GRIK5: variants seen among roughly 807,000 people sequenced by gnomAD.
GRIK5 encodes the protein glutamate ionotropic receptor kainate type subunit 5.
Under a neutral mutation model 97.4 loss-of-function variants are expected in GRIK5, and 43 were observed. That is an observed-to-expected ratio of 0.44 (90% CI 0.35 to 0.57). The LOEUF is 0.57. Among genes scored for constraint, GRIK5 ranks in the 20% least tolerant of loss-of-function variants. GRIK5 has a pLI of 0.01. For synonymous variants in GRIK5, 580 were observed against 583.5 expected (o/e 0.99, Z 0.09); for missense variants, 1,015 against 1,382.0 (o/e 0.73, Z 4.21).
At chr19:42,037,639 T>A (rs2075924458) in intron 12 of GRIK5, among the ~76,000 whole-genome samples, 2 of 152,148 alleles carry the variant, frequency 1.3e-5, no homozygotes, top group African/African-American at 4.8e-5. Context: ...TATAGTGGAC[T>A]CCATGGTGGC....
At chr19:42,061,733 AC>A (rs1336929419) in intron 5 of GRIK5, among the ~76,000 whole-genome samples, 1 of 151,724 alleles carries the variant, frequency 6.6e-6, no homozygotes, top group African/African-American at 2.4e-5. Flanking sequence ...TCCAACTGCC[AC>A]CACCTGGGCC....
Position 42,030,334 on chromosome 19 carries a change from G to A in GRIK5, c.1474-7980C>T, listed in dbSNP as rs191154845. Among the ~76,000 whole-genome samples the A allele has an allele frequency of 1.1e-4, 16 of 152,090 alleles. No homozygotes were observed. In the East Asian group the frequency reaches 1.5e-3, roughly 15 times the overall value. On this transcript the variant is annotated intron_variant, in intron 12 of 19. Transcript: ENST00000593562. The stretch of plus-strand genomic sequence containing the variant: ...GTAGCTGGGATTAAAGGTGCGTGCC[G>A]CTGAGTCTGGCTAATTTTTGTATTT...
At chr19:42,048,468 A>G (rs2076070978) in intron 11 of GRIK5, among the ~76,000 whole-genome samples, 1 of 152,008 alleles carries the variant, frequency 6.6e-6, no homozygotes, top group Non-Finnish European at 1.5e-5. Flanking sequence ...AAAATACAAA[A>G]AATTAGCCGG....
chr19:42,031,066 C>T (rs1042388230), intron 12 of GRIK5, among the ~76,000 whole-genome samples: 3 of 152,216 alleles, frequency 2.0e-5, no homozygotes, highest in Non-Finnish European at 4.4e-5. Flanking sequence ...AAGCATCTGC[C>T]AGGTTAGTAG....
At position 42,042,760 on chromosome 19, in the gene GRIK5, G is replaced by A. The variant is rs1187936690; in HGVS notation, c.1270-5C>T. 1.9e-6 allele frequency: 3 copies of A among 1,609,834 alleles called. No individual in the cohort carries two copies. The highest frequency in any genetic ancestry group is 2.2e-5 in the South Asian group (2 of 90,828). ...GCGCATGACGTATGGGTTCTCCTGG[G>A]TGGGCAGAAGAAAGCAGGGGTCAGA... On this transcript the variant is annotated splice_polypyrimidine_tract_variant and splice_region_variant and intron_variant, in intron 11 of 19. Transcript: ENST00000593562. This position sits in a 1 kb window ranked among gnomAD's most constrained non-coding sequence, Gnocchi z 6.9.
At chr19:42,020,209 C>T (rs1183957482) in intron 15 of GRIK5, among the ~76,000 whole-genome samples, 1 of 152,168 alleles carries the variant, frequency 6.6e-6, no homozygotes, top group Non-Finnish European at 1.5e-5. Context: ...CCTGCCATAC[C>T]ACAGTTAGTT....
chr19:42,048,969 A>G (rs1203018456), intron 11 of GRIK5, among the ~76,000 whole-genome samples: 5 of 152,038 alleles, frequency 3.3e-5, no homozygotes, highest in African/African-American at 1.2e-4. Flanking sequence ...TGGAGCCTGG[A>G]GGTCGAAGCT....
chr19:42,021,573 G>A lies in GRIK5; in HGVS notation c.1698-99C>T. On this transcript the variant is annotated intron_variant, in intron 14 of 19. Transcript: ENST00000593562. The surrounding 1 kb of genome is among the most constrained non-coding windows in gnomAD (Gnocchi z 4.2). ...AGTCACAGTGATCAGAAGAAAGGGG[G>A]AGAGATGGAAAAAGGAGCAAGATGG... 2 of 1,020,010 alleles carry A rather than the reference G, an allele frequency of 2.0e-6. No homozygotes were observed. Among genetic ancestry groups the A allele is most frequent in the Non-Finnish European group, 2.8e-6 (2 of 716,654 alleles). The allele number at this position is 1,020,010 out of a possible 1,614,324, so 63.2% of individuals were successfully genotyped here. A position where few individuals can be genotyped will look rare whatever the true frequency, so the allele number is the denominator to read the frequency against.
intron 12 of GRIK5, among the ~76,000 whole-genome samples, chr19:42,040,329 T>C (rs2075962753): frequency 6.6e-6 from 1 of 152,138 alleles, no homozygotes; most frequent in Non-Finnish European, 1.5e-5. Flanking sequence ...GACTTCTCTG[T>C]TGGTGAAAAA....
chr19:42,007,975 G>C (rs576691158), intron 15 of GRIK5, among the ~76,000 whole-genome samples: 2 of 151,882 alleles, frequency 1.3e-5, no homozygotes, highest in Admixed American at 6.6e-5. Flanking sequence ...TCCAGAAAAA[G>C]TTTATAAATA....
At chr19:42,011,368 T>C (rs1312543592) in intron 15 of GRIK5, among the ~76,000 whole-genome samples, 1 of 151,400 alleles carries the variant, frequency 6.6e-6, no homozygotes, top group Non-Finnish European at 1.5e-5. Context: ...CTGGCTAACA[T>C]GGTGAAACCC....
intron 12 of GRIK5, among the ~76,000 whole-genome samples, chr19:42,040,782 A>C (rs1026499054): frequency 3.9e-5 from 6 of 152,114 alleles, no homozygotes; most frequent in African/African-American, 1.4e-4. Flanking sequence ...TGAACCCGGG[A>C]GGTGGAGGTT....
Position 42,056,796 on chromosome 19 carries a change from T to A in GRIK5, c.769A>T (p.Ile257Phe), listed in dbSNP as rs1234139564. ...MDFPILHLDG[I>F]VEDSSNILGF... Reference sequence around the variant, plus strand: ...AGGATGTTGGAGGAGTCCTCCACAATACCGTCCAGATGCAGGATGGGGAAG... The same window carrying A: ...AGGATGTTGGAGGAGTCCTCCACAAAACCGTCCAGATGCAGGATGGGGAAG... The change falls in exon 8 of 20, where the codon ATT (isoleucine) becomes TTT (phenylalanine). Residue 257 changes from isoleucine to phenylalanine, a missense_variant. Physicochemically the swap from Ile to Phe is conservative, Grantham distance 21. This residue lies in a region of GRIK5 where 477 missense variants were observed against 701.1 expected (regional missense o/e 0.68). Coordinates refer to ENST00000593562, the MANE Select transcript of GRIK5 (RefSeq NM_002088.5). 6.2e-7 allele frequency: 1 copy of A among 1,613,944 alleles called. No individual in the cohort carries two copies. Among genetic ancestry groups the A allele is most frequent in the Non-Finnish European group, 8.5e-7 (1 of 1,179,998 alleles).
chr19:42,000,194 G>A (rs1469227268), intron 19 of GRIK5, among the ~76,000 whole-genome samples: 4 of 152,200 alleles, frequency 2.6e-5, no homozygotes, highest in Non-Finnish European at 4.4e-5. Context: ...AGAGTCAGAC[G>A]GGAATCACTG....
rs573870439 is a variant in GRIK5 at position 42,011,478 on chromosome 19, G to A, written c.1872-4668C>T. Among the ~76,000 whole-genome samples, 101 of 151,472 alleles carry A rather than the reference G, an allele frequency of 6.7e-4. 1 individual carries two copies. Among genetic ancestry groups the A allele is most frequent in the Middle Eastern group, 6.8e-3 (2 of 294 alleles). ...TGAGGCAGAAGAATGGCATGAACCC[G>A]GGAGGCGGAGCTTGCAGTGAGCCGA... On this transcript the variant is annotated intron_variant, in intron 15 of 19. Coordinates refer to ENST00000593562, the MANE Select transcript of GRIK5 (RefSeq NM_002088.5).
At chr19:42,046,571 A>G (rs2076045768) in intron 11 of GRIK5, among the ~76,000 whole-genome samples, 1 of 152,210 alleles carries the variant, frequency 6.6e-6, no homozygotes, top group Non-Finnish European at 1.5e-5. Flanking sequence ...GAAACAACCT[A>G]ATTTGGGCCA....
At chr19:42,057,084 G>T in intron 6 of GRIK5, 106 bp from the exon 7 acceptor site, 1 of 813,180 alleles carries the variant, frequency 1.2e-6, no homozygotes, top group Non-Finnish European at 2.1e-6. Context: ...GCCCTGGTGA[G>T]AAGACACTCC....
chr19:42,029,296 G>T (rs1451324592), intron 12 of GRIK5, among the ~76,000 whole-genome samples: 1 of 151,758 alleles, frequency 6.6e-6, no homozygotes, highest in African/African-American at 2.4e-5. Context: ...TCGATCTCTT[G>T]ACCTCGTGAT....
chr19:42,038,604 G>A (rs985689304), intron 12 of GRIK5, among the ~76,000 whole-genome samples: 1 of 152,240 alleles, frequency 6.6e-6, no homozygotes, highest in African/African-American at 2.4e-5. Context: ...AGTGTACTCC[G>A]AGCTTCCCAA....
Sources: gnomAD v4.1 joint callset for allele counts (sites outside exome capture counted in the v4.1 genomes callset) on GRCh38, gnomAD v4.1.1 for gene constraint, gnomAD v4.1.1 regional missense constraint, Gnocchi (gnomAD v3.1) non-coding constraint, MANE v1.5 for transcripts, NCBI Gene and HGNC (gene_info 2026-07-23, HGNC 2026-07-21) for gene names.